MCC: variants seen among roughly 807,000 people sequenced by gnomAD.
The protein encoded by MCC is MCC regulator of Wnt signaling pathway.
In MCC, 90 loss-of-function variants were observed where a neutral mutation model predicts 116.2. The ratio of observed to expected loss-of-function variants is 0.77; its 90% CI spans 0.65 to 0.92. The LOEUF is 0.92. Ranked by LOEUF, MCC falls within the 40% of genes least tolerant of loss-of-function variation. MCC has a pLI of 0.00. For missense variants in MCC, 1,516 were observed against 1,312.2 expected, an observed-to-expected ratio of 1.16 and a Z score of -2.40; for synonymous variants, 578 against 510.5, an observed-to-expected ratio of 1.13 and a Z score of -1.78.
intron 3 of MCC, among the ~76,000 whole-genome samples, chr5:113,164,334 T>C (rs1760659173): frequency 6.6e-6 from 1 of 152,242 alleles, no homozygotes; most frequent in African/African-American, 2.4e-5. Flanking sequence ...AATTGCCTCC[T>C]TGCAACTTGT....
At chr5:113,248,397 C>T (rs1267195016) in intron 3 of MCC, among the ~76,000 whole-genome samples, 1 of 152,134 alleles carries the variant, frequency 6.6e-6, no homozygotes, top group Admixed American at 6.5e-5. Context: ...AGGTACTATG[C>T]TCAGTTTTAT....
chr5:113,076,211 T>C (rs968958628), intron 11 of MCC, among the ~76,000 whole-genome samples: 1 of 152,030 alleles, frequency 6.6e-6, no homozygotes, highest in African/African-American at 2.4e-5. Context: ...ATGGGGAGAA[T>C]GGAACCAAGC....
At chr5:113,166,502 A>G (rs545623554) in intron 3 of MCC, among the ~76,000 whole-genome samples, 1 of 152,268 alleles carries the variant, frequency 6.6e-6, no homozygotes, top group South Asian at 2.1e-4. Flanking sequence ...CTGAAATGCT[A>G]ATCTTGGAAC....
chr5:113,378,868 A>G (rs571060332), intron 2 of MCC, among the ~76,000 whole-genome samples: 1 of 152,368 alleles, frequency 6.6e-6, no homozygotes, highest in South Asian at 2.1e-4. Flanking sequence ...ATATGTAAAT[A>G]TCTAATGCTA....
At chr5:113,311,495 C>G (rs1767133212) in intron 3 of MCC, among the ~76,000 whole-genome samples, 1 of 152,188 alleles carries the variant, frequency 6.6e-6, no homozygotes, top group African/African-American at 2.4e-5. Flanking sequence ...GCCAGCTTAT[C>G]CTCAGATATA....
At chr5:113,032,476 T>C (rs1034288274) in intron 17 of MCC, among the ~76,000 whole-genome samples, 7 of 151,938 alleles carry the variant, frequency 4.6e-5, no homozygotes, top group African/African-American at 1.5e-4. Context: ...CTGGGTTACA[T>C]TGTTATTAAA....
rs187873869 is a variant in MCC, at chr5:113,331,682, C to A, written c.627+8837G>T. ...ATGGAGTTTCACTCTATTGCCCAGG[C>A]TGGAGTACAGTGGTGCCATCTTGGC... On this transcript the variant is annotated intron_variant, in intron 3 of 18. Coordinates refer to ENST00000408903, the MANE Select transcript of MCC (RefSeq NM_001085377.2). 5.9e-5 allele frequency among the ~76,000 whole-genome samples: 9 copies of A among 151,558 alleles called. No individual in the cohort carries two copies. The East Asian group carries it at 1.7e-3, about 29-fold the overall frequency.
rs112417957 is a variant in MCC at position 113,106,052 on chromosome 5, G to C, written c.1028-1697C>G. 8.5e-4 allele frequency among the ~76,000 whole-genome samples: 130 copies of C among 152,264 alleles called. 1 individual carries two copies. The highest frequency in any genetic ancestry group is 2.9e-3 in the African/African-American group (121 of 41,538). ...TTTAGGTTCCTCAGGTAATTCTAAC[G>C]TGCAGTCAGAGTGAGAACCACTGAT... On this transcript the variant is annotated intron_variant, in intron 6 of 18. Transcript: ENST00000408903.
intron 3 of MCC, among the ~76,000 whole-genome samples, chr5:113,313,917 C>T (rs1239076649): frequency 6.6e-6 from 1 of 152,044 alleles, no homozygotes; most frequent in Admixed American, 6.5e-5. Context: ...GCCTCCTGGG[C>T]TCAAGTGATC....
intron 1 of MCC, among the ~76,000 whole-genome samples, chr5:113,419,079 C>A (rs1045706967): frequency 6.6e-6 from 1 of 152,132 alleles, no homozygotes; most frequent in Non-Finnish European, 1.5e-5. Context: ...AGCAATGACA[C>A]TCCTAGGTAT....
rs114521181 is a variant in MCC at position 113,190,382 on chromosome 5, T to G, written c.628-38960A>C. 4.8e-3 allele frequency among the ~76,000 whole-genome samples: 726 copies of G among 152,290 alleles called. 8 individuals are homozygous for G. The highest frequency in any genetic ancestry group is 0.017 in the African/African-American group (692 of 41,556). ...TTCCCTAGATCCAGGCTCTCTGGCC[T>G]ACATAGCAAAGGCAAAATCACATGC... On this transcript the variant is annotated intron_variant, in intron 3 of 18. Coordinates refer to ENST00000408903, the MANE Select transcript of MCC (RefSeq NM_001085377.2).
At chr5:113,043,439 A>G (rs766339069) in intron 17 of MCC, 91 bp downstream of exon 17, 3 of 1,169,068 alleles carry the variant, frequency 2.6e-6, no homozygotes, top group Non-Finnish European at 3.8e-6. Flanking sequence ...ACACATCAGC[A>G]CCTTCTCCTT....
At chr5:113,313,649 T>C (rs900046896) in intron 3 of MCC, among the ~76,000 whole-genome samples, 1 of 152,186 alleles carries the variant, frequency 6.6e-6, no homozygotes, top group Admixed American at 6.5e-5. Context: ...GGGTTCCTAT[T>C]TACTAGGGAT....
intron 3 of MCC, among the ~76,000 whole-genome samples, chr5:113,210,761 G>C (rs1763105280): frequency 6.6e-6 from 1 of 152,240 alleles, no homozygotes; most frequent in South Asian, 2.1e-4. Flanking sequence ...TACTTTGAAA[G>C]AGTGTTGCAT....
At chr5:113,181,442 GT>G (rs762170230) in intron 3 of MCC, among the ~76,000 whole-genome samples, 9 of 152,194 alleles carry the variant, frequency 5.9e-5, no homozygotes, top group Non-Finnish European at 1.0e-4. Context: ...AAGACAACAT[GT>G]TATGAACTCC....
chr5:113,322,430 ATC>A (rs1170567290), intron 3 of MCC, among the ~76,000 whole-genome samples: 1 of 152,244 alleles, frequency 6.6e-6, no homozygotes, highest in Non-Finnish European at 1.5e-5. Context: ...GAAAAGACAT[ATC>A]TGTTATGAAG....
intron 3 of MCC, among the ~76,000 whole-genome samples, chr5:113,218,863 C>T (rs757254197): frequency 9.9e-5 from 15 of 151,248 alleles, no homozygotes; most frequent in African/African-American, 2.7e-4. Flanking sequence ...ACTATTCTTC[C>T]GAATAGAAGG....
intron 8 of MCC, among the ~76,000 whole-genome samples, chr5:113,100,349 C>T (rs578203220): frequency 1.2e-4 from 18 of 151,718 alleles, no homozygotes; most frequent in South Asian, 6.2e-4. Context: ...AAATGATGTA[C>T]ACATCCTGAG....
At chr5:113,091,883 G>GACAC (rs149076453) in intron 8 of MCC, among the ~76,000 whole-genome samples, 23,276 of 149,762 alleles carry the variant, frequency 0.16, 1,987 homozygotes, top group South Asian at 0.22. Context: ...ATGAGACTCA[G>GACAC]ACACACACAC....
Sources: allele counts gnomAD v4.1 joint callset (sites outside exome capture counted in the v4.1 genomes callset), GRCh38; gene constraint gnomAD v4.1.1; transcripts MANE v1.5; gene names NCBI Gene and HGNC (gene_info 2026-07-23, HGNC 2026-07-21).